MEIS1: variants seen among roughly 807,000 people sequenced by gnomAD.
MEIS1 encodes the protein Meis homeobox 1.
A neutral mutation model predicts 50.8 loss-of-function variants in MEIS1; 5 were observed. That is an observed-to-expected ratio of 0.10 (90% CI 0.05 to 0.21). The LOEUF is 0.21. Ranked by LOEUF, MEIS1 falls within the 10% of genes least tolerant of loss-of-function variation. The probability of loss-of-function intolerance (pLI) is 1.00; values close to 1 mark genes in which losing one functional copy is unlikely to be tolerated. For synonymous variants in MEIS1, 176 were observed against 179.3 expected, an observed-to-expected ratio of 0.98 and a Z score of 0.15; for missense variants, 318 against 517.3, an observed-to-expected ratio of 0.61 and a Z score of 3.74.
intron 9 of MEIS1, among the ~76,000 whole-genome samples, chr2:66,549,321 G>A (rs896007447): frequency 1.3e-5 from 2 of 151,900 alleles, no homozygotes; most frequent in East Asian, 1.9e-4. Context: ...AATTTTTGCA[G>A]CCCTTTTCAT....
intron 7 of MEIS1, among the ~76,000 whole-genome samples, chr2:66,506,445 CT>C (rs1176792021): frequency 6.6e-6 from 1 of 152,146 alleles, no homozygotes; most frequent in East Asian, 1.9e-4. Context: ...AACTTCAAGT[CT>C]GCTCAGGACC....
Position 66,527,180 on chromosome 2 carries a change from C to A in MEIS1, c.888+14886C>A, listed in dbSNP as rs1674273276. Among the ~76,000 whole-genome samples the A allele has an allele frequency of 2.6e-5, 4 of 152,162 alleles. No individual in the cohort carries two copies. In the South Asian group the frequency reaches 8.3e-4, roughly 32 times the overall value. ...TTATTAATTGTTATTTAATAGTCAA[C>A]TTGCATGTGATCTTACAATTAATAA... On this transcript the variant is annotated intron_variant, in intron 8 of 12. Coordinates refer to ENST00000272369, the MANE Select transcript of MEIS1 (RefSeq NM_002398.3).
chr2:66,548,506 A>G (rs1674844961), intron 9 of MEIS1, among the ~76,000 whole-genome samples: 1 of 152,066 alleles, frequency 6.6e-6, no homozygotes, highest in Non-Finnish European at 1.5e-5. Context: ...GGAAGAAATT[A>G]TTTGTTTCTC....
intron 7 of MEIS1, among the ~76,000 whole-genome samples, chr2:66,477,883 A>G (rs1377538848): frequency 6.6e-6 from 1 of 152,228 alleles, no homozygotes; most frequent in Non-Finnish European, 1.5e-5. Flanking sequence ...AAGACTTAAT[A>G]GAATGCAGGA....
chr2:66,445,193 T>G (rs769873422), intron 6 of MEIS1: 1 of 152,270 alleles, frequency 6.6e-6, no homozygotes, highest in Non-Finnish European at 1.5e-5. Flanking sequence ...GCTTCGAAGC[T>G]TTGGCTGAGC....
At chr2:66,455,631 T>C (rs552300381) in intron 6 of MEIS1, among the ~76,000 whole-genome samples, 2 of 152,270 alleles carry the variant, frequency 1.3e-5, no homozygotes, top group South Asian at 2.1e-4. Flanking sequence ...TTAAGCAGCA[T>C]TGGGAAAGTG....
intron 9 of MEIS1, among the ~76,000 whole-genome samples, chr2:66,558,109 G>A (rs112209794): frequency 9.2e-5 from 14 of 151,788 alleles, no homozygotes; most frequent in African/African-American, 2.9e-4. Context: ...GAAAAACCCC[G>A]TCTCTACTAA....
chr2:66,439,228 G>GGC, intron 2 of MEIS1: 1 of 989,798 alleles, frequency 1.0e-6, no homozygotes, highest in Non-Finnish European at 1.2e-6. Flanking sequence ...GGCGGTGGGG[G>GGC]CTATCAGCGA....
In MEIS1 at chr2:66,559,123, C is replaced by CAGAGAGAGAG. The variant is rs58790798; in HGVS notation, c.966-8310_966-8301dup. On this transcript the variant is annotated intron_variant, in intron 9 of 12. Transcript: ENST00000272369. ...AACCACTGCACTCCAGCCTGGGTGA[C>CAGAGAGAGAG]AGAGAGAGAGAGAGAGAGAGAGAGA... is the stretch of plus-strand genomic sequence containing the variant. Among the ~76,000 whole-genome samples the CAGAGAGAGAG allele has an allele frequency of 4.6e-4, 68 of 148,072 alleles. 1 individual carries two copies. The highest frequency in any genetic ancestry group is 1.6e-3 in the East Asian group (8 of 4,960).
At chr2:66,471,016 A>C (rs1672749741) in intron 7 of MEIS1, among the ~76,000 whole-genome samples, 1 of 152,204 alleles carries the variant, frequency 6.6e-6, no homozygotes, top group Non-Finnish European at 1.5e-5. Context: ...TCCTGTGAGT[A>C]GTTTTCTTGA....
chr2:66,446,984 A>T (rs1672167553), intron 6 of MEIS1, among the ~76,000 whole-genome samples: 1 of 152,208 alleles, frequency 6.6e-6, no homozygotes, highest in Non-Finnish European at 1.5e-5. Flanking sequence ...TAGAACTTTG[A>T]CAGAAAACGC....
intron 8 of MEIS1, among the ~76,000 whole-genome samples, chr2:66,532,109 G>C (rs562108192): frequency 1.3e-5 from 2 of 152,194 alleles, no homozygotes; most frequent in African/African-American, 4.8e-5. Flanking sequence ...ATGGGAATTA[G>C]TTTTGATGAG....
At chr2:66,558,279 CAAAAAAAAAAAAAAA>C (rs59017279) in intron 9 of MEIS1, among the ~76,000 whole-genome samples, 1 of 57,102 alleles carries the variant, frequency 1.8e-5, no homozygotes, top group African/African-American at 8.1e-5. Context: ...AACTCCATCT[CAAAAAAAAAAAAAAA>C]AAAAAAAAAA....
chr2:66,539,045 G>A (rs532238084), intron 8 of MEIS1, among the ~76,000 whole-genome samples: 12 of 152,170 alleles, frequency 7.9e-5, no homozygotes, highest in African/African-American at 2.4e-4. Context: ...GTGCCACCAC[G>A]GCTGGCTAAT....
chr2:66,513,528 G>A (rs1345318238), intron 8 of MEIS1, among the ~76,000 whole-genome samples: 1 of 151,712 alleles, frequency 6.6e-6, no homozygotes, highest in African/African-American at 2.4e-5. Flanking sequence ...TAATACTCAA[G>A]GGTATAAATT....
chr2:66,485,761 G>A (rs1320621073), intron 7 of MEIS1, among the ~76,000 whole-genome samples: 1 of 152,176 alleles, frequency 6.6e-6, no homozygotes, highest in Non-Finnish European at 1.5e-5. Flanking sequence ...TCCAGCACCT[G>A]TTGTTTCCTG....
chr2:66,547,817 C>T, intron 8 of MEIS1, 126 bp from the exon 9 acceptor site: 1 of 792,824 alleles, frequency 1.3e-6, no homozygotes, highest in Admixed American at 2.3e-5. Flanking sequence ...ATGTAGTATT[C>T]CATTAATAAG....
intron 7 of MEIS1, among the ~76,000 whole-genome samples, chr2:66,499,107 G>A (rs1303458733): frequency 6.6e-6 from 1 of 152,188 alleles, no homozygotes; most frequent in Non-Finnish European, 1.5e-5. Flanking sequence ...ATAATCAAAG[G>A]AGAGAAGGTC....
intron 8 of MEIS1, among the ~76,000 whole-genome samples, chr2:66,518,652 A>G (rs1055030695): frequency 5.9e-5 from 9 of 152,202 alleles, no homozygotes; most frequent in Non-Finnish European, 1.2e-4. Context: ...TTGGTCACTG[A>G]GCATGCACCT....
Sources: gnomAD v4.1 joint callset for allele counts (sites outside exome capture counted in the v4.1 genomes callset) on GRCh38, gnomAD v4.1.1 for gene constraint, MANE v1.5 for transcripts, NCBI Gene and HGNC (gene_info 2026-07-23, HGNC 2026-07-21) for gene names.